The following APBA2 variants were observed in gnomAD, a reference collection of about 807,000 sequenced individuals.
The protein encoded by APBA2 is amyloid-beta A4 precursor protein-binding family A member 2.
A neutral mutation model predicts 75.0 loss-of-function variants in APBA2; 30 were observed. The observed-to-expected ratio is 0.40, with a 90% CI of 0.30 to 0.54. The LOEUF is 0.54. APBA2 is among the 20% of genes least tolerant of loss of function. The probability of loss-of-function intolerance (pLI) is 0.49; values close to 1 mark genes in which losing one functional copy is unlikely to be tolerated. For synonymous variants in APBA2, 444 were observed against 409.6 expected (o/e 1.08, Z -1.01); for missense variants, 801 against 1,016.1 (o/e 0.79, Z 2.88).
intron 1 of APBA2, among the ~76,000 whole-genome samples, chr15:28,903,887 G>A (rs977605995): frequency 2.6e-5 from 4 of 152,092 alleles, no homozygotes; most frequent in Non-Finnish European, 5.9e-5. Flanking sequence ...CTCCTCACTT[G>A]TCCCTGAGGA....
intron 13 of APBA2, among the ~76,000 whole-genome samples, chr15:29,110,823 C>A (rs947425216): frequency 2.0e-5 from 3 of 152,132 alleles, no homozygotes; most frequent in African/African-American, 7.2e-5. Flanking sequence ...GTGCAGGGTT[C>A]TGTGCCTTTC....
rs1401202714 is a variant in APBA2 at position 28,991,460 on chromosome 15, G to T, written c.-94-4293G>T. 6.6e-6 allele frequency among the ~76,000 whole-genome samples: 1 copy of T among 152,206 alleles called. No homozygotes were observed. The highest frequency in any genetic ancestry group is 1.5e-5 in the Non-Finnish European group (1 of 68,038). Reference sequence around the variant, plus strand: ...TGCCGGAGCTCACCTTGTGCCAGGTGTTGAGCTCTGCCAGCTGCCCGGCCC... The same window carrying T: ...TGCCGGAGCTCACCTTGTGCCAGGTTTTGAGCTCTGCCAGCTGCCCGGCCC... On this transcript the variant is annotated intron_variant, in intron 2 of 14. Coordinates refer to ENST00000683413, the MANE Select transcript of APBA2 (RefSeq NM_001353788.2). The surrounding 1 kb of genome is among the most constrained non-coding windows in gnomAD (Gnocchi z 4.7).
At chr15:28,958,113 C>T (rs2036271710) in intron 2 of APBA2, among the ~76,000 whole-genome samples, 1 of 152,204 alleles carries the variant, frequency 6.6e-6, no homozygotes, top group Admixed American at 6.5e-5. Flanking sequence ...TCTCTGCTTT[C>T]TCAAAGTTAG....
chr15:28,892,701 A>ATG (rs1186957121), intron 1 of APBA2, among the ~76,000 whole-genome samples: 3 of 151,202 alleles, frequency 2.0e-5, no homozygotes, highest in Admixed American at 6.6e-5. Context: ...ATATATATAT[A>ATG]AAATTTTTTT....
chr15:29,038,665 A>C (rs941654786), intron 3 of APBA2, among the ~76,000 whole-genome samples: 13 of 105,448 alleles, frequency 1.2e-4, no homozygotes, highest in African/African-American at 4.8e-4. Context: ...ATATGCAGGC[A>C]TTTTTTTTTT....
At chr15:29,006,471 A>C (rs1229734193) in intron 3 of APBA2, among the ~76,000 whole-genome samples, 3 of 152,270 alleles carry the variant, frequency 2.0e-5, no homozygotes, top group African/African-American at 7.2e-5. Context: ...TAAGATGTCA[A>C]TACTACCTAT....
intron 3 of APBA2, among the ~76,000 whole-genome samples, chr15:29,028,944 C>A (rs933941007): frequency 1.3e-5 from 2 of 152,032 alleles, no homozygotes; most frequent in African/African-American, 4.8e-5. Flanking sequence ...AAATTTTCTC[C>A]CACTCTGTGG....
At chr15:29,056,988 C>G (rs2041928776) in intron 4 of APBA2, among the ~76,000 whole-genome samples, 2 of 152,048 alleles carry the variant, frequency 1.3e-5, no homozygotes, top group Admixed American at 6.5e-5. Flanking sequence ...AGAACAATCC[C>G]CTTCCTCCCC....
intron 3 of APBA2, among the ~76,000 whole-genome samples, chr15:29,021,621 C>T (rs1242457331): frequency 1.3e-5 from 2 of 152,162 alleles, no homozygotes; most frequent in Non-Finnish European, 2.9e-5. Context: ...CTCCTGCCTA[C>T]TTTATTACGA....
chr15:29,002,915 G>A (rs1478087002), intron 3 of APBA2, among the ~76,000 whole-genome samples: 1 of 152,108 alleles, frequency 6.6e-6, no homozygotes, highest in Non-Finnish European at 1.5e-5. Flanking sequence ...TCATCTCGAA[G>A]GATGAATATA....
At chr15:29,006,121 A>G (rs143498077) in intron 3 of APBA2, among the ~76,000 whole-genome samples, 1 of 152,320 alleles carries the variant, frequency 6.6e-6, no homozygotes, top group East Asian at 1.9e-4. Flanking sequence ...AGGCATCCAA[A>G]TTGGAAAGGA....
Position 28,932,607 on chromosome 15 carries a change from T to C in APBA2, c.-95+10858T>C, listed in dbSNP as rs376585618. Among the ~76,000 whole-genome samples the C allele has an allele frequency of 3.9e-5, 6 of 152,210 alleles. No homozygotes were observed. In the East Asian group the frequency reaches 5.8e-4, roughly 15 times the overall value. ...ACAGTGGAGATGGTGGACGGCCCCATAGGGGGTTGGTCCCATCTCGCCAGC... is the reference window on the plus strand; with the variant it reads ...ACAGTGGAGATGGTGGACGGCCCCACAGGGGGTTGGTCCCATCTCGCCAGC... On this transcript the variant is annotated intron_variant, in intron 2 of 14. Coordinates refer to ENST00000683413, the MANE Select transcript of APBA2 (RefSeq NM_001353788.2).
chr15:28,951,936 C>T (rs926684463), intron 2 of APBA2, among the ~76,000 whole-genome samples: 7 of 136,448 alleles, frequency 5.1e-5, no homozygotes, highest in African/African-American at 8.4e-5. Context: ...GTTGCTCAAG[C>T]TGGAGTGAAT....
At chr15:28,981,426 C>A (rs2037615541) in intron 2 of APBA2, among the ~76,000 whole-genome samples, 1 of 152,140 alleles carries the variant, frequency 6.6e-6, no homozygotes, top group South Asian at 2.1e-4. Flanking sequence ...CACTAATCAT[C>A]AGAAGAATGC....
intron 2 of APBA2, among the ~76,000 whole-genome samples, chr15:28,994,245 T>C (rs1224661456): frequency 2.0e-5 from 3 of 152,166 alleles, no homozygotes; most frequent in African/African-American, 7.2e-5. Context: ...ACGATGAAAC[T>C]GACAGAGATG....
At chr15:29,035,704 C>T (rs1007004016) in intron 3 of APBA2, among the ~76,000 whole-genome samples, 22 of 152,128 alleles carry the variant, frequency 1.4e-4, no homozygotes, top group Admixed American at 3.9e-4. Context: ...TTCTCCGTGA[C>T]GTGCGGGCCC....
intron 9 of APBA2, 68 bp from the exon 10 acceptor site, chr15:29,101,531 C>T (rs576477586): frequency 9.1e-6 from 14 of 1,541,796 alleles, no homozygotes; most frequent in Non-Finnish European, 1.1e-5. Flanking sequence ...CATGCCCAGC[C>T]CTGGAGTACT....
At chr15:29,085,107 ATTAG>A (rs2043230487) in intron 6 of APBA2, among the ~76,000 whole-genome samples, 1 of 152,188 alleles carries the variant, frequency 6.6e-6, no homozygotes, top group Non-Finnish European at 1.5e-5. Context: ...TTTCTTCTTC[ATTAG>A]TTAGCTGGAA....
intron 1 of APBA2, among the ~76,000 whole-genome samples, chr15:28,894,605 G>A (rs2032347183): frequency 6.6e-6 from 1 of 152,316 alleles, no homozygotes; most frequent in Non-Finnish European, 1.5e-5. Context: ...GTTTGTGTAG[G>A]TTAGAGCTGG....
Sources: gnomAD v4.1 joint callset for allele counts (sites outside exome capture counted in the v4.1 genomes callset) on GRCh38, gnomAD v4.1.1 for gene constraint, Gnocchi (gnomAD v3.1) non-coding constraint, MANE v1.5 for transcripts, NCBI Gene and HGNC (gene_info 2026-07-23, HGNC 2026-07-21) for gene names.